The following PRPSAP2 variants were observed in gnomAD, a reference collection of about 807,000 sequenced individuals.
The protein encoded by PRPSAP2 is phosphoribosyl pyrophosphate synthase-associated protein 2.
Under a neutral mutation model 40.6 loss-of-function variants are expected in PRPSAP2, and 24 were observed. That is an observed-to-expected ratio of 0.59 (90% CI 0.43 to 0.83). The LOEUF is 0.83. Ranked by LOEUF, PRPSAP2 falls within the 40% of genes least tolerant of loss-of-function variation. PRPSAP2 has a pLI of 0.00. For missense variants in PRPSAP2, 292 were observed against 465.6 expected (o/e 0.63, Z 3.43); for synonymous variants, 149 against 164.7 (o/e 0.90, Z 0.73).
At chr17:18,865,105 A>G (rs1419352213) in intron 1 of PRPSAP2, among the ~76,000 whole-genome samples, 3 of 152,206 alleles carry the variant, frequency 2.0e-5, no homozygotes, top group African/African-American at 7.2e-5. Flanking sequence ...TTGGCTTCCC[A>G]AAGTGCTAGG....
At chr17:18,877,314 G>A (rs1307742185) in intron 5 of PRPSAP2, among the ~76,000 whole-genome samples, 3 of 152,170 alleles carry the variant, frequency 2.0e-5, no homozygotes, top group East Asian at 3.8e-4. Flanking sequence ...GTTTGTGGCC[G>A]ATGGGTTATC....
chr17:18,885,082 A>C (rs2039035650), intron 7 of PRPSAP2, among the ~76,000 whole-genome samples: 1 of 151,948 alleles, frequency 6.6e-6, no homozygotes. Context: ...TACTTGAAAA[A>C]ATCCCCATTT....
rs116585489 is a variant in PRPSAP2, at chr17:18,902,470, C to T, written c.585-8633C>T. Among the ~76,000 whole-genome samples, 566 of 151,844 alleles carry T rather than the reference C, an allele frequency of 3.7e-3. 4 individuals carry two copies. The highest frequency in any genetic ancestry group is 0.013 in the African/African-American group (537 of 41,178). Reference sequence around the variant, plus strand: ...AACAGACCCACAGAGATGAAGGAACCAAGGTAGTTCCACCAAATGTTGTTT... The same window carrying T: ...AACAGACCCACAGAGATGAAGGAACTAAGGTAGTTCCACCAAATGTTGTTT... On this transcript the variant is annotated intron_variant, in intron 8 of 11. Transcript: ENST00000268835.
At chr17:18,904,822 T>TG (rs1427635507) in intron 8 of PRPSAP2, 2 of 152,208 alleles carry the variant, frequency 1.3e-5, no homozygotes, top group Non-Finnish European at 2.9e-5. Context: ...TCACCCATGA[T>TG]GTAAATTAAC....
At position 18,889,843 on chromosome 17, in the gene PRPSAP2, G is replaced by A. The variant is rs1353028527; in HGVS notation, c.550G>A (p.Val184Ile). ...ACAGATCCCAGATTACAGGAATGCAGTAATCGTGGCCAAGTCTCCAGCCTC... is the reference window on the plus strand; with the variant it reads ...ACAGATCCCAGATTACAGGAATGCAATAATCGTGGCCAAGTCTCCAGCCTC... The part of the protein sequence containing the change: ...QEEIPDYRNA[V>I]IVAKSPASAK... The change falls in exon 8 of 12, where the codon GTA (valine) becomes ATA (isoleucine). Residue 184 changes from valine (V) to isoleucine (I), a missense_variant. Physicochemically the swap from Val to Ile is conservative, Grantham distance 29. Coordinates refer to ENST00000268835, the MANE Select transcript of PRPSAP2 (RefSeq NM_002767.4). 6.2e-7 allele frequency: 1 copy of A among 1,610,292 alleles called. No individual in the cohort carries two copies. Among genetic ancestry groups the A allele is most frequent in the Non-Finnish European group, 8.5e-7 (1 of 1,178,282 alleles).
At chr17:18,923,256 ATT>A (rs34975526) in intron 9 of PRPSAP2, among the ~76,000 whole-genome samples, 2 of 105,396 alleles carry the variant, frequency 1.9e-5, no homozygotes, top group East Asian at 2.6e-4. Flanking sequence ...CACTTGGCTA[ATT>A]TTTTTTTTTT....
At chr17:18,866,059 TATA>T in intron 3 of PRPSAP2, 107 bp downstream of exon 3, 4 of 760,666 alleles carry the variant, frequency 5.3e-6, no homozygotes, top group Non-Finnish European at 6.9e-6. Flanking sequence ...ATTTTATAAT[TATA>T]AAATAATTAT....
intron 1 of PRPSAP2, among the ~76,000 whole-genome samples, chr17:18,860,225 C>T (rs1024649701): frequency 2.0e-5 from 3 of 151,616 alleles, no homozygotes; most frequent in Non-Finnish European, 4.4e-5. Context: ...ACACCTGGCT[C>T]ATTTTTGTAT....
In PRPSAP2 at chr17:18,914,249, C is replaced by CTTTTTTTTTTTTTTTTTTTTTT. The variant is rs60892883; in HGVS notation, c.733+3003_733+3024dup. 5.4e-4 allele frequency among the ~76,000 whole-genome samples: 26 copies of CTTTTTTTTTTTTTTTTTTTTTT among 48,104 alleles called. 2 individuals are homozygous for CTTTTTTTTTTTTTTTTTTTTTT. The highest frequency in any genetic ancestry group is 6.9e-4 in the Admixed American group (2 of 2,882). 31.6% of individuals were successfully genotyped at this position (48,104 alleles called of 152,430 possible). A position where few individuals can be genotyped will look rare whatever the true frequency, so the allele number is the denominator to read the frequency against. ...GAGTTCTGTCCTGAACATGTTTTTG[C>CTTTTTTTTTTTTTTTTTTTTTT]TTTTTTTTTTTTTTTTTTTTTTTTT... is the stretch of plus-strand genomic sequence containing the variant. On this transcript the variant is annotated intron_variant, in intron 9 of 11. Transcript: ENST00000268835.
At chr17:18,916,195 C>T (rs1206074534) in intron 9 of PRPSAP2, among the ~76,000 whole-genome samples, 5 of 152,078 alleles carry the variant, frequency 3.3e-5, no homozygotes, top group Non-Finnish European at 7.4e-5. Context: ...CTCCCCTTTA[C>T]GGTCTGTACA....
intron 7 of PRPSAP2, among the ~76,000 whole-genome samples, chr17:18,884,834 T>C (rs989873801): frequency 1.3e-5 from 2 of 152,222 alleles, no homozygotes; most frequent in African/African-American, 2.4e-5. Context: ...TATAGACTTA[T>C]GTGGGTTGCT....
At chr17:18,920,052 C>G (rs911436378) in intron 9 of PRPSAP2, among the ~76,000 whole-genome samples, 1 of 152,180 alleles carries the variant, frequency 6.6e-6, no homozygotes, top group East Asian at 1.9e-4. Context: ...GGCTGCCGCT[C>G]CCTTTCAGAA....
At chr17:18,862,415 A>G (rs184638484) in intron 1 of PRPSAP2, among the ~76,000 whole-genome samples, 12 of 151,936 alleles carry the variant, frequency 7.9e-5, no homozygotes, top group Middle Eastern at 3.4e-3. Flanking sequence ...ATCCTGCTGT[A>G]CTTTAAGGAG....
At chr17:18,892,774 A>G (rs1347137597) in intron 8 of PRPSAP2, among the ~76,000 whole-genome samples, 5 of 140,314 alleles carry the variant, frequency 3.6e-5, no homozygotes, top group African/African-American at 1.1e-4. Flanking sequence ...TCGCTCTGTC[A>G]CCCAGGCTGG....
chr17:18,872,205 A>G (rs1403638307), intron 4 of PRPSAP2, among the ~76,000 whole-genome samples: 4 of 151,684 alleles, frequency 2.6e-5, no homozygotes, highest in Non-Finnish European at 5.9e-5. Flanking sequence ...CCCAGGAGGC[A>G]GAGCTTGCAG....
intron 11 of PRPSAP2, 37 bp downstream of exon 11, chr17:18,928,994 G>T (rs916526376): frequency 6.3e-7 from 1 of 1,590,434 alleles, no homozygotes; most frequent in African/African-American, 1.4e-5. Context: ...ACAGCTGCCT[G>T]GGCTTTTGGC....
intron 10 of PRPSAP2, among the ~76,000 whole-genome samples, chr17:18,925,131 A>T (rs2041904804): frequency 6.6e-6 from 1 of 152,230 alleles, no homozygotes; most frequent in African/African-American, 2.4e-5. Flanking sequence ...AAAGAAAAAA[A>T]AAAAGTAAAC....
At chr17:18,923,482 T>C (rs1427531743) in intron 9 of PRPSAP2, among the ~76,000 whole-genome samples, 1 of 151,236 alleles carries the variant, frequency 6.6e-6, no homozygotes, top group African/African-American at 2.4e-5. Context: ...GTTGATTTTG[T>C]ACTTGGCAAC....
At chr17:18,869,341 CT>C (rs545524445) in intron 4 of PRPSAP2, among the ~76,000 whole-genome samples, 1,936 of 140,278 alleles carry the variant, frequency 0.014, 32 homozygotes, top group African/African-American at 0.045. Context: ...CTTTTCTTTT[CT>C]TTTTTTTTTT....
Sources: gnomAD v4.1 joint callset for allele counts (sites outside exome capture counted in the v4.1 genomes callset) on GRCh38, gnomAD v4.1.1 for gene constraint, MANE v1.5 for transcripts, NCBI Gene and HGNC (gene_info 2026-07-23, HGNC 2026-07-21) for gene names.